The following GPM6B variants were observed in gnomAD, a reference collection of about 807,000 sequenced individuals.
GPM6B encodes the protein neuronal membrane glycoprotein M6-b.
GPM6B carries 4 observed loss-of-function variants against 27.2 expected under a neutral mutation model. The observed-to-expected ratio is 0.15, with a 90% confidence interval of 0.07 to 0.34. The LOEUF (loss-of-function observed/expected upper bound fraction) is 0.34, where lower values mean the gene tolerates loss of function less well. Among genes scored for constraint, GPM6B ranks in the 10% least tolerant of loss-of-function variants. The pLI is 1.00. For missense variants in GPM6B, 183 were observed against 261.9 expected (o/e 0.70, Z 2.08); for synonymous variants, 124 against 103.1 (o/e 1.20, Z -1.23).
intron 1 of GPM6B, among the ~76,000 whole-genome samples, chrX:13,860,504 A>C (rs972577458): frequency 9.3e-6 from 1 of 107,563 alleles, no homozygotes; most frequent in African/African-American, 3.4e-5. Context: ...CACTGTAGGA[A>C]GGTATCCTTA....
At chrX:13,923,392 TAAAC>T in intron 1 of GPM6B, among the ~76,000 whole-genome samples, 1 of 111,959 alleles carries the variant, frequency 8.9e-6, no homozygotes, top group Non-Finnish European at 1.9e-5. Flanking sequence ...TGCCCTTAAA[TAAAC>T]AAAAGTTTGA....
At chrX:13,893,225 GA>G (rs1003173589) in intron 1 of GPM6B, among the ~76,000 whole-genome samples, 6 of 111,222 alleles carry the variant, frequency 5.4e-5, no homozygotes, top group Admixed American at 2.9e-4. Flanking sequence ...TCAAGTCAAA[GA>G]TTTTCAGTAC....
chrX:13,931,762 A>T (rs1921577202), intron 1 of GPM6B, among the ~76,000 whole-genome samples: 2 of 111,990 alleles, frequency 1.8e-5, no homozygotes, highest in African/African-American at 6.5e-5. Context: ...TCTGGCTTTC[A>T]GTTCCCTGAC....
intron 1 of GPM6B, among the ~76,000 whole-genome samples, chrX:13,812,066 T>TG (rs2049145092): frequency 1.0e-5 from 1 of 100,251 alleles, no homozygotes; most frequent in African/African-American, 3.7e-5. Context: ...TTTTTTTTTT[T>TG]TGAGACAGAG....
chrX:13,913,057 C>T (rs1199590693), intron 1 of GPM6B, among the ~76,000 whole-genome samples: 2 of 111,855 alleles, frequency 1.8e-5, no homozygotes, highest in African/African-American at 6.5e-5. Context: ...GAGCCATATG[C>T]TTATAATTAG....
At chrX:13,827,266 ACTTC>A (rs1367231901) in intron 1 of GPM6B, among the ~76,000 whole-genome samples, 1 of 89,161 alleles carries the variant, frequency 1.1e-5, no homozygotes, top group African/African-American at 4.3e-5. Flanking sequence ...TGAACTACCG[ACTTC>A]CTTTTTTTTT....
At chrX:13,808,577 G>C (rs1223925382) in intron 1 of GPM6B, among the ~76,000 whole-genome samples, 1 of 111,868 alleles carries the variant, frequency 8.9e-6, no homozygotes. Context: ...AAATCTCAAA[G>C]AGATCATAAG....
chrX:13,920,349 T>C (rs1473718647), intron 1 of GPM6B, among the ~76,000 whole-genome samples: 1 of 104,762 alleles, frequency 9.5e-6, no homozygotes, highest in Non-Finnish European at 2.0e-5. Flanking sequence ...TACTTCAGTA[T>C]CAGGCTGGAA....
chrX:13,936,550 T>C (rs1477223498), intron 1 of GPM6B, among the ~76,000 whole-genome samples: 7 of 112,347 alleles, frequency 6.2e-5, no homozygotes, highest in Non-Finnish European at 1.3e-4. Context: ...AACCAGTTCA[T>C]GGCCCTGTGG....
chrX:13,797,178 G>A (rs2048831616), intron 2 of GPM6B, among the ~76,000 whole-genome samples: 1 of 112,276 alleles, frequency 8.9e-6, no homozygotes, highest in South Asian at 3.7e-4. Context: ...TCCAATACCT[G>A]CCATGTGCAA....
At chrX:13,827,451 C>T (rs898317850) in intron 1 of GPM6B, among the ~76,000 whole-genome samples, 1 of 109,191 alleles carries the variant, frequency 9.2e-6, no homozygotes, top group Admixed American at 9.8e-5. Flanking sequence ...GCCCATTTCC[C>T]CCTTCTTAGC....
In GPM6B at chrX:13,826,937, T is replaced by C. The variant is rs761836164; in HGVS notation, c.-197-41129A>G. 4.5e-5 allele frequency among the ~76,000 whole-genome samples: 5 copies of C among 110,359 alleles called. No individual in the cohort carries two copies. The South Asian group carries it at 1.6e-3, about 35-fold the overall frequency. ...CCCCAATTAACTCATCTACCCAGCATGTTCCAGCCAACATGAACAAGGGCC... is the reference window on the plus strand; with the variant it reads ...CCCCAATTAACTCATCTACCCAGCACGTTCCAGCCAACATGAACAAGGGCC... On this transcript the variant is annotated intron_variant, in intron 1 of 6. Coordinates refer to the GPM6B transcript ENST00000398361.
At chrX:13,904,889 A>G (rs900239637) in intron 1 of GPM6B, among the ~76,000 whole-genome samples, 1 of 110,761 alleles carries the variant, frequency 9.0e-6, no homozygotes, top group Admixed American at 9.7e-5. Context: ...TGGGATCAAG[A>G]TAGAGTGAGG....
Position 13,816,995 on chromosome X carries a change from C to CT in GPM6B, c.-92dup, listed in dbSNP as rs1433332521. ...TTTTCTTTTGGACTCCCCTCCGTCT[C>CT]TTATTTACACCCGTCTGATTGAGAG... On this transcript the variant is annotated 5_prime_UTR_variant, in exon 1 of 8. Coordinates refer to ENST00000316715, the MANE Select transcript of GPM6B (RefSeq NM_001001995.3). 5 of 1,142,343 alleles carry CT rather than the reference C, an allele frequency of 4.4e-6. No individual in the cohort carries two copies. Among genetic ancestry groups the CT allele is most frequent in the Non-Finnish European group, 5.8e-6 (5 of 865,873 alleles). The allele number at this position is 1,142,343 out of a possible 1,213,427, so 94.1% of individuals were successfully genotyped here.
At chrX:13,869,456 C>T (rs1322018613) in intron 1 of GPM6B, among the ~76,000 whole-genome samples, 1 of 109,208 alleles carries the variant, frequency 9.2e-6, no homozygotes, top group African/African-American at 3.3e-5. Flanking sequence ...GTGAATTATA[C>T]ACTTTAAATG....
intron 2 of GPM6B, among the ~76,000 whole-genome samples, chrX:13,804,524 A>G (rs1246690721): frequency 9.0e-6 from 1 of 111,002 alleles, no homozygotes; most frequent in Non-Finnish European, 1.9e-5. Flanking sequence ...AAAATTGAAA[A>G]GGAAAAAGAG....
At chrX:13,931,330 T>C (rs1224488108) in intron 1 of GPM6B, among the ~76,000 whole-genome samples, 7 of 109,321 alleles carry the variant, frequency 6.4e-5, no homozygotes, top group African/African-American at 1.7e-4. Flanking sequence ...CTACTAAAAA[T>C]ACAAAAAATT....
At chrX:13,777,177 G>A (rs185457160) in intron 6 of GPM6B, among the ~76,000 whole-genome samples, 175 bp downstream of exon 6, 1 of 111,968 alleles carries the variant, frequency 8.9e-6, no homozygotes, top group East Asian at 2.8e-4. Flanking sequence ...GACCATTTTT[G>A]TAGGTCAAAA....
Position 13,771,387 on chromosome X carries a change from TAA to T in GPM6B, c.*1492_*1493del, listed in dbSNP as rs36124011. ...ACACAGAAGAGAGCTTCTCTTAATT[TAA>T]AAAAAAAAAAAAATCCCAAATAGGC... On this transcript the variant is annotated 3_prime_UTR_variant, in exon 8 of 8. Transcript: ENST00000316715. 98 of 100,804 alleles carry T rather than the reference TAA, an allele frequency of 9.7e-4. No individual in the cohort carries two copies. The South Asian group carries it at 0.024, about 24-fold the overall frequency. The allele number at this position is 100,804 out of a possible 1,213,427, so 8.3% of individuals were successfully genotyped here. A position where few individuals can be genotyped will look rare whatever the true frequency, so the allele number is the denominator to read the frequency against.
Sources: allele counts gnomAD v4.1 joint callset (sites outside exome capture counted in the v4.1 genomes callset), GRCh38; gene constraint gnomAD v4.1.1; transcripts MANE v1.5; gene names NCBI Gene and HGNC (gene_info 2026-07-23, HGNC 2026-07-21).